FER: variants seen among roughly 807,000 people sequenced by gnomAD.
FER encodes the protein FER tyrosine kinase.
In FER, 63 loss-of-function variants were observed where a neutral mutation model predicts 111.0. The ratio of observed to expected loss-of-function variants is 0.57; its 90% confidence interval spans 0.46 to 0.70. The LOEUF (loss-of-function observed/expected upper bound fraction) is 0.70. Among genes scored for constraint, FER ranks in the 30% least tolerant of loss-of-function variants. The pLI is 0.00. For synonymous variants in FER, 327 were observed against 313.9 expected, an observed-to-expected ratio of 1.04 and a Z score of -0.44; for missense variants, 914 against 954.0, an observed-to-expected ratio of 0.96 and a Z score of 0.55.
chr5:108,856,166 G>T (rs971246182), intron 5 of FER, among the ~76,000 whole-genome samples: 2 of 152,098 alleles, frequency 1.3e-5, no homozygotes, highest in African/African-American at 4.8e-5. Flanking sequence ...AGGAGAGATG[G>T]AGAGATATAA....
At chr5:108,847,357 C>T (rs568793004) in intron 5 of FER, among the ~76,000 whole-genome samples, 3 of 151,560 alleles carry the variant, frequency 2.0e-5, no homozygotes, top group Non-Finnish European at 2.9e-5. Context: ...AATTTAATTT[C>T]GTTGTGGTCT....
At chr5:109,052,141 A>G in intron 16 of FER, 3 of 1,605,296 alleles carry the variant, frequency 1.9e-6, no homozygotes, top group South Asian at 1.1e-5. Context: ...TTTCTTGTTC[A>G]GTTTCTCTTC....
intron 12 of FER, among the ~76,000 whole-genome samples, chr5:108,956,043 A>G (rs557551402): frequency 6.6e-6 from 1 of 151,854 alleles, no homozygotes; most frequent in Non-Finnish European, 1.5e-5. Flanking sequence ...TTCCACTATC[A>G]TAATGTTCAC....
At chr5:108,828,610 T>G (rs528228149) in intron 3 of FER, among the ~76,000 whole-genome samples, 199 of 152,320 alleles carry the variant, frequency 1.3e-3, no homozygotes, top group African/African-American at 4.3e-3. Flanking sequence ...TGCCTATGAT[T>G]AAACTTTTCT....
intron 5 of FER, among the ~76,000 whole-genome samples, chr5:108,863,826 AC>A: frequency 6.6e-6 from 1 of 152,338 alleles, no homozygotes; most frequent in East Asian, 1.9e-4. Flanking sequence ...TTGATTATTT[AC>A]TGGTTCATGA....
chr5:108,864,767 A>G (rs1191620002), intron 5 of FER, among the ~76,000 whole-genome samples: 3 of 152,110 alleles, frequency 2.0e-5, no homozygotes. Flanking sequence ...GTAGCCTTGT[A>G]GTATAGTTTG....
At chr5:109,134,278 A>G (rs1418855286) in intron 17 of FER, among the ~76,000 whole-genome samples, 1 of 152,278 alleles carries the variant, frequency 6.6e-6, no homozygotes, top group Non-Finnish European at 1.5e-5. Flanking sequence ...AAAACTAAAC[A>G]CAGAACAGGA....
At chr5:108,922,912 G>GTAGT (rs886728928) in intron 10 of FER, among the ~76,000 whole-genome samples, 10 of 152,266 alleles carry the variant, frequency 6.6e-5, no homozygotes, top group African/African-American at 2.4e-4. Context: ...AAACAGTATA[G>GTAGT]TAGTTAATTG....
intron 8 of FER, among the ~76,000 whole-genome samples, chr5:108,878,435 T>C (rs565576975): frequency 6.6e-6 from 1 of 152,340 alleles, no homozygotes; most frequent in East Asian, 1.9e-4. Context: ...AATTGTTTTC[T>C]TCTGTGTAAG....
Position 109,189,021 on chromosome 5 carries a change from T to G in FER, c.*1446T>G, listed in dbSNP as rs1002791926. The stretch of plus-strand genomic sequence containing the variant: ...TATGACATAGGGACAGCCCTCCCAT[T>G]TCTACTTCCACCTTCATTGACCATT... On this transcript the variant is annotated 3_prime_UTR_variant, in exon 20 of 20. Coordinates refer to ENST00000281092, the MANE Select transcript of FER (RefSeq NM_005246.4). 6.6e-6 allele frequency: 1 copy of G among 152,182 alleles called. No homozygotes were observed. Among genetic ancestry groups the G allele is most frequent in the Non-Finnish European group, 1.5e-5 (1 of 68,052 alleles). The allele number at this position is 152,182 out of a possible 1,614,324, so 9.4% of individuals were successfully genotyped here. A position where few individuals can be genotyped will look rare whatever the true frequency, so the allele number is the denominator to read the frequency against.
intron 5 of FER, among the ~76,000 whole-genome samples, chr5:108,865,741 A>G (rs1386730238): frequency 6.6e-6 from 1 of 152,220 alleles, no homozygotes; most frequent in Admixed American, 6.5e-5. Context: ...GTTTACAAGA[A>G]AAAAACAAAC....
At chr5:108,923,512 G>C (rs551957332) in intron 10 of FER, among the ~76,000 whole-genome samples, 2 of 152,036 alleles carry the variant, frequency 1.3e-5, no homozygotes, top group East Asian at 3.9e-4. Flanking sequence ...TTGAACTTTG[G>C]TCCCTTAGAA....
intron 13 of FER, among the ~76,000 whole-genome samples, chr5:109,021,706 A>G (rs1411035679): frequency 6.6e-6 from 1 of 152,090 alleles, no homozygotes; most frequent in Non-Finnish European, 1.5e-5. Flanking sequence ...ACTAAACTGT[A>G]TGTCTTCTAT....
Position 108,954,714 on chromosome 5 carries a change from TA to T in FER, c.1330-13del, listed in dbSNP as rs753527960. ...TTTCTCTAATTTAGTTTTTTTTTTT[TA>T]ATATTTGTTTAAGCTTTCTGATATG... is the stretch of plus-strand genomic sequence containing the variant. On this transcript the variant is annotated splice_polypyrimidine_tract_variant and intron_variant, in intron 11 of 19. Transcript: ENST00000281092. The T allele has an allele frequency of 4.1e-4, 598 of 1,474,134 alleles. No homozygotes were observed. The highest frequency in any genetic ancestry group is 5.1e-4 in the Non-Finnish European group (564 of 1,110,120). The allele number at this position is 1,474,134 out of a possible 1,614,324, so 91.3% of individuals were successfully genotyped here.
chr5:109,169,843 CGTAGT>C (rs1756924060), intron 17 of FER, among the ~76,000 whole-genome samples: 1 of 152,130 alleles, frequency 6.6e-6, no homozygotes, highest in Non-Finnish European at 1.5e-5. Flanking sequence ...ATTTAGGGGA[CGTAGT>C]CCATTATTGG....
rs531243385 is a variant in FER, at chr5:109,001,576, G to A, written c.1657-35846G>A. ...GCATTCCCTTTGAAAACTGGCACAA[G>A]ACAGGGATGCCCTCTCTCACCACTC... On this transcript the variant is annotated intron_variant, in intron 13 of 19. Transcript: ENST00000281092. Among the ~76,000 whole-genome samples the A allele has an allele frequency of 3.3e-5, 5 of 152,266 alleles. No individual in the cohort carries two copies. The South Asian group carries it at 8.3e-4, about 25-fold the overall frequency.
In FER at chr5:109,025,529, A is replaced by G. The variant is rs1008357652; in HGVS notation, c.1657-11893A>G. ...CTTAAGGAGATTTTGGGCTGAGACAATGGGGTTTTCTAGATATACAATCAT... is the reference window on the plus strand; with the variant it reads ...CTTAAGGAGATTTTGGGCTGAGACAGTGGGGTTTTCTAGATATACAATCAT... On this transcript the variant is annotated intron_variant, in intron 13 of 19. Transcript: ENST00000281092. 1.1e-4 allele frequency among the ~76,000 whole-genome samples: 17 copies of G among 151,948 alleles called. No individual in the cohort carries two copies. The South Asian group carries it at 1.9e-3, about 17-fold the overall frequency.
chr5:109,110,226 T>C (rs1749439131), intron 17 of FER, among the ~76,000 whole-genome samples: 1 of 152,142 alleles, frequency 6.6e-6, no homozygotes, highest in South Asian at 2.1e-4. Flanking sequence ...AAGTGGATAA[T>C]AAACATATTT....
chr5:108,770,421 C>CT (rs1182731493), intron 2 of FER, among the ~76,000 whole-genome samples: 4 of 152,148 alleles, frequency 2.6e-5, no homozygotes, highest in African/African-American at 7.2e-5. Flanking sequence ...TCTTCCCAGA[C>CT]TGTTAATTCA....
Sources: allele counts gnomAD v4.1 joint callset (sites outside exome capture counted in the v4.1 genomes callset), GRCh38; gene constraint gnomAD v4.1.1; transcripts MANE v1.5; gene names NCBI Gene and HGNC (gene_info 2026-07-23, HGNC 2026-07-21).